FAM241A: variants seen among roughly 807,000 people sequenced by gnomAD.
FAM241A encodes uncharacterized protein FAM241A.
Under a neutral mutation model 12.2 loss-of-function variants are expected in FAM241A, and 7 were observed. That is an observed-to-expected ratio of 0.58 (90% CI 0.33 to 1.08). The LOEUF (loss-of-function observed/expected upper bound fraction) is 1.08, where lower values mean the gene tolerates loss of function less well. Ranked by LOEUF, FAM241A falls within the 50% of genes least tolerant of loss-of-function variation. The probability of loss-of-function intolerance (pLI) is 0.04; values close to 1 mark genes in which losing one functional copy is unlikely to be tolerated. For synonymous variants in FAM241A, 74 were observed against 68.2 expected, an observed-to-expected ratio of 1.08 and a Z score of -0.42; for missense variants, 161 against 169.7, an observed-to-expected ratio of 0.95 and a Z score of 0.29.
In FAM241A at chr4:112,163,234, A is replaced by G. The variant is rs575513410; in HGVS notation, c.153+17501A>G. 3.9e-5 allele frequency among the ~76,000 whole-genome samples: 6 copies of G among 152,382 alleles called. No individual in the cohort carries two copies. The South Asian group carries it at 6.2e-4, about 16-fold the overall frequency. On this transcript the variant is annotated intron_variant, in intron 1 of 1. Transcript: ENST00000309733. ...GAAGAAAACCTAGGTAATACCATTC[A>G]GAACATAGGCATGGGCAAGGACTTC...
In FAM241A at chr4:112,187,278, A is replaced by G; in HGVS notation, c.*340A>G. On this transcript the variant is annotated 3_prime_UTR_variant, in exon 2 of 2. Transcript: ENST00000309733. ...CAGGACATGGAATTCAAATCAAGCA[A>G]TATAGTTCTTATAAAGAGTTCCAAT... 1 of 186,560 alleles carries G rather than the reference A, an allele frequency of 5.4e-6. No individual in the cohort carries two copies. The allele number at this position is 186,560 out of a possible 1,614,324, so 11.6% of individuals were successfully genotyped here.
chr4:112,149,208 G>A (rs1435005889), intron 1 of FAM241A, among the ~76,000 whole-genome samples: 2 of 151,786 alleles, frequency 1.3e-5, no homozygotes, highest in Non-Finnish European at 2.9e-5. Flanking sequence ...GTTTTGCTAT[G>A]TTGCCCAGGC....
chr4:112,174,617 C>T lies in FAM241A; in HGVS notation c.154-12076C>T, dbSNP rs1723784546. 2.6e-5 allele frequency among the ~76,000 whole-genome samples: 4 copies of T among 152,064 alleles called. No homozygotes were observed. In the South Asian group the frequency reaches 8.3e-4, roughly 32 times the overall value. On this transcript the variant is annotated intron_variant, in intron 1 of 1. Transcript: ENST00000309733. ...TGGCACCGTCAAAACAACACAGCAG[C>T]CAGAAGTTTTAAAGAGAGAACCAAG...
chr4:112,168,054 G>A (rs1723635348), intron 1 of FAM241A, among the ~76,000 whole-genome samples: 1 of 152,254 alleles, frequency 6.6e-6, no homozygotes, highest in Non-Finnish European at 1.5e-5. Context: ...GCTGAGAGGA[G>A]AGGATCATAA....
chr4:112,145,732 A>G lies in FAM241A; in HGVS notation c.152A>G (p.Gln51Arg). 9.1e-7 allele frequency: 1 copy of G among 1,094,554 alleles called. No homozygotes were observed. Among genetic ancestry groups the G allele is most frequent in the Non-Finnish European group, 1.1e-6 (1 of 901,270 alleles). The allele number at this position is 1,094,554 out of a possible 1,614,324, so 67.8% of individuals were successfully genotyped here. Residue 51 changes from glutamine (Q) to arginine (R), a missense_variant and splice_region_variant, in exon 1 of 2, where the codon CAG (glutamine) becomes CGG (arginine). Physicochemically the swap from Gln to Arg is conservative, Grantham distance 43 (BLOSUM62 1). Coordinates refer to ENST00000309733, the MANE Select transcript of FAM241A (RefSeq NM_152400.3). ...RRGQRPKESE[Q>R]DVEDSQNHTG... ...GGACAGCGGCCGAAGGAGAGCGAGC[A>G]GGTGAGCGCGGGGAGGGGCGGCGGC...
chr4:112,171,582 G>A (rs969428404), intron 1 of FAM241A: 26 of 663,356 alleles, frequency 3.9e-5, no homozygotes, highest in East Asian at 3.6e-4. Context: ...GTTTATGGCC[G>A]GGTGCGGTGG....
At position 112,192,588 on chromosome 4, in the gene FAM241A, CAT is replaced by C. The variant is rs1724188788; in HGVS notation, c.*5651_*5652del. On this transcript the variant is annotated 3_prime_UTR_variant, in exon 2 of 2. Transcript: ENST00000309733. The stretch of plus-strand genomic sequence containing the variant: ...TTCAATTCCCATCTATGAGTGAGAA[CAT>C]GTGGTGTTTGGTTTTTTGTCCTTGC... The C allele has an allele frequency of 6.7e-6, 1 of 149,906 alleles. No homozygotes were observed. The highest frequency in any genetic ancestry group is 2.5e-5 in the African/African-American group (1 of 40,580). 9.3% of individuals were successfully genotyped at this position (149,906 alleles called of 1,614,324 possible).
chr4:112,157,624 A>C (rs1723381151), intron 1 of FAM241A, among the ~76,000 whole-genome samples: 1 of 152,092 alleles, frequency 6.6e-6, no homozygotes, highest in African/African-American at 2.4e-5. Flanking sequence ...TACATGTGAA[A>C]GTGCATGATT....
At chr4:112,153,972 A>G (rs984610412) in intron 1 of FAM241A, among the ~76,000 whole-genome samples, 6 of 152,128 alleles carry the variant, frequency 3.9e-5, no homozygotes, top group Admixed American at 2.6e-4. Flanking sequence ...TCCTCTTCCA[A>G]TTAATCCAAA....
At chr4:112,157,705 T>C (rs1026909510) in intron 1 of FAM241A, among the ~76,000 whole-genome samples, 4 of 152,102 alleles carry the variant, frequency 2.6e-5, no homozygotes, top group Admixed American at 2.6e-4. Context: ...TTAACCTGAA[T>C]CTGAGATCAC....
chr4:112,149,647 TG>T (rs1219272623), intron 1 of FAM241A, among the ~76,000 whole-genome samples: 1 of 152,216 alleles, frequency 6.6e-6, no homozygotes. Context: ...CTTGCAGCAC[TG>T]GTGTGTAAAA....
At chr4:112,150,081 ATG>A (rs1723217431) in intron 1 of FAM241A, among the ~76,000 whole-genome samples, 2 of 151,856 alleles carry the variant, frequency 1.3e-5, no homozygotes, top group African/African-American at 4.8e-5. Context: ...TTTCTTTTGT[ATG>A]TGTGCATTTA....
chr4:112,183,782 G>A (rs2110435244), intron 1 of FAM241A, among the ~76,000 whole-genome samples: 1 of 152,078 alleles, frequency 6.6e-6, no homozygotes, highest in South Asian at 2.1e-4. Flanking sequence ...GAGAAATAGA[G>A]AGGGATGAGG....
At chr4:112,178,529 G>T (rs1723867620) in intron 1 of FAM241A, among the ~76,000 whole-genome samples, 2 of 151,984 alleles carry the variant, frequency 1.3e-5, no homozygotes, top group African/African-American at 4.8e-5. Flanking sequence ...TAAGACCTCA[G>T]ACTATCCTAG....
chr4:112,151,130 G>A (rs1486310454), intron 1 of FAM241A, among the ~76,000 whole-genome samples: 1 of 151,152 alleles, frequency 6.6e-6, no homozygotes, highest in Admixed American at 6.6e-5. Context: ...TTTTGATCAT[G>A]GGGGTAGATC....
intron 1 of FAM241A, among the ~76,000 whole-genome samples, chr4:112,180,151 T>C (rs1185127059): frequency 1.3e-5 from 2 of 148,836 alleles, no homozygotes; most frequent in African/African-American, 2.5e-5. Flanking sequence ...GAGCTAAACA[T>C]TGGGTACTCA....
chr4:112,184,208 A>G (rs889762449), intron 1 of FAM241A, among the ~76,000 whole-genome samples: 1 of 152,208 alleles, frequency 6.6e-6, no homozygotes, highest in Non-Finnish European at 1.5e-5. Flanking sequence ...TTCTGATAGA[A>G]GTGAAAATCC....
chr4:112,193,929 T>C lies in FAM241A; in HGVS notation c.*6991T>C, dbSNP rs1174499519. The C allele has an allele frequency of 1.3e-5, 2 of 148,896 alleles. No individual in the cohort carries two copies. The highest frequency in any genetic ancestry group is 3.0e-5 in the Non-Finnish European group (2 of 67,436). The allele number at this position is 148,896 out of a possible 1,614,324, so 9.2% of individuals were successfully genotyped here. On this transcript the variant is annotated 3_prime_UTR_variant, in exon 2 of 2. Transcript: ENST00000309733. Reference sequence around the variant, plus strand: ...TGGGGATGGCATTGAATCTATAAATTACCTTGGGCAGTATGGCCATTTTCA... The same window carrying C: ...TGGGGATGGCATTGAATCTATAAATCACCTTGGGCAGTATGGCCATTTTCA...
At chr4:112,157,374 A>T (rs1723375658) in intron 1 of FAM241A, among the ~76,000 whole-genome samples, 1 of 152,158 alleles carries the variant, frequency 6.6e-6, no homozygotes, top group East Asian at 1.9e-4. Flanking sequence ...AAAGACCATG[A>T]AGATTAATAA....
Sources: gnomAD v4.1 joint callset for allele counts (sites outside exome capture counted in the v4.1 genomes callset) on GRCh38, gnomAD v4.1.1 for gene constraint, MANE v1.5 for transcripts, NCBI Gene and HGNC (gene_info 2026-07-23, HGNC 2026-07-21) for gene names.